RAB1A: variants seen among roughly 807,000 people sequenced by gnomAD.
RAB1A encodes the protein RAB1A, member RAS oncogene family.
In RAB1A, 2 loss-of-function variants were observed where a neutral mutation model predicts 26.0. The ratio of observed to expected loss-of-function variants is 0.08; its 90% CI spans 0.03 to 0.24. The LOEUF (loss-of-function observed/expected upper bound fraction) is 0.24, where lower values mean the gene tolerates loss of function less well. Ranked by LOEUF, RAB1A falls within the 10% of genes least tolerant of loss-of-function variation. RAB1A has a pLI of 1.00. For missense variants in RAB1A, 100 were observed against 247.0 expected (o/e 0.40, Z 3.99); for synonymous variants, 84 against 84.9 (o/e 0.99, Z 0.06).
intron 1 of RAB1A, among the ~76,000 whole-genome samples, chr2:65,126,269 G>A (rs780110701): frequency 1.2e-4 from 18 of 151,380 alleles, no homozygotes; most frequent in Admixed American, 7.2e-4. Flanking sequence ...AGCCAAGATC[G>A]CGCCACTGCA....
rs758076632 is a variant in RAB1A, at chr2:65,089,023, A to G, written c.336T>C (p.Tyr112=). Residue 112 remains tyrosine, a synonymous_variant, in exon 5 of 6, where the codon TAT becomes TAC. Coordinates refer to ENST00000409784, the MANE Select transcript of RAB1A (RefSeq NM_004161.5). ...ACAATTTGTTGACATTTTCACTGGC[A>G]TAACGATCTATTTCCTGCAGCCACT... ...VKQWLQEIDR[Y]ASENVNKLLV... 4.3e-6 allele frequency: 7 copies of G among 1,610,516 alleles called. No homozygotes were observed. The highest frequency in any genetic ancestry group is 1.1e-5 in the South Asian group (1 of 90,542).
chr2:65,129,804 C>T (rs533302397), intron 1 of RAB1A, 89 bp downstream of exon 1: 104 of 1,545,844 alleles, frequency 6.7e-5, no homozygotes, highest in East Asian at 4.4e-4. Context: ...CAGCCGATGC[C>T]CCGACTTCTG....
At chr2:65,123,751 G>A (rs776424654) in intron 1 of RAB1A, among the ~76,000 whole-genome samples, 2 of 151,840 alleles carry the variant, frequency 1.3e-5, no homozygotes, top group Non-Finnish European at 2.9e-5. Flanking sequence ...ACTTAAACCT[G>A]GAAGGCGGAG....
Position 65,087,493 on chromosome 2 carries a change from T to C in RAB1A, c.*1000A>G, listed in dbSNP as rs1370654198. On this transcript the variant is annotated 3_prime_UTR_variant, in exon 6 of 6. Coordinates refer to ENST00000409784, the MANE Select transcript of RAB1A (RefSeq NM_004161.5). ...CATTAGCACACATTAGTCTGATCAT[T>C]TGCCAATTAGGAAAGGTGCTGCTTT... The C allele has an allele frequency of 6.6e-6, 1 of 152,640 alleles. No homozygotes were observed. Among genetic ancestry groups the C allele is most frequent in the South Asian group, 2.1e-4 (1 of 4,834 alleles). 9.5% of individuals were successfully genotyped at this position (152,640 alleles called of 1,614,324 possible). A position where few individuals can be genotyped will look rare whatever the true frequency, so the allele number is the denominator to read the frequency against.
chr2:65,098,075 G>C lies in RAB1A; in HGVS notation c.97-9C>G, dbSNP rs761380313. The C allele has an allele frequency of 5.5e-6, 8 of 1,453,354 alleles. No homozygotes were observed. The highest frequency in any genetic ancestry group is 7.5e-6 in the Non-Finnish European group (8 of 1,073,532). The allele number at this position is 1,453,354 out of a possible 1,614,324, so 90.0% of individuals were successfully genotyped here. A position where few individuals can be genotyped will look rare whatever the true frequency, so the allele number is the denominator to read the frequency against. ...TCTGTATATGTATCATCCTGAAGGG[G>C]GAAATAATTAACAATTAAATGTATT... On this transcript the variant is annotated splice_polypyrimidine_tract_variant and intron_variant, in intron 2 of 5. Coordinates refer to ENST00000409784, the MANE Select transcript of RAB1A (RefSeq NM_004161.5).
chr2:65,121,046 A>C (rs1393865141), intron 1 of RAB1A, among the ~76,000 whole-genome samples: 4 of 152,012 alleles, frequency 2.6e-5, no homozygotes, highest in African/African-American at 9.7e-5. Flanking sequence ...ACTTGAGCCC[A>C]GGTGTTCGAG....
At chr2:65,104,655 GTTTAAT>G (rs1297625372) in intron 2 of RAB1A, 73 bp downstream of exon 2, 7 of 1,086,230 alleles carry the variant, frequency 6.4e-6, no homozygotes, top group Non-Finnish European at 6.7e-6. Flanking sequence ...GAATAAAACT[GTTTAAT>G]TTTATCTACC....
intron 3 of RAB1A, among the ~76,000 whole-genome samples, chr2:65,094,613 A>C (rs1376705888): frequency 2.0e-5 from 3 of 151,822 alleles, no homozygotes; most frequent in Admixed American, 1.3e-4. Context: ...AAAAGAAAAA[A>C]CAAGCAAATC....
intron 3 of RAB1A, among the ~76,000 whole-genome samples, chr2:65,094,707 T>A (rs191971331): frequency 1.2e-4 from 19 of 152,172 alleles, no homozygotes; most frequent in Non-Finnish European, 2.4e-4. Context: ...GAAAGGGCCA[T>A]GAGCCCTTGA....
intron 1 of RAB1A, among the ~76,000 whole-genome samples, chr2:65,119,076 G>A (rs1669890235): frequency 6.6e-6 from 1 of 152,072 alleles, no homozygotes; most frequent in Admixed American, 6.6e-5. Flanking sequence ...GCATGGGTGT[G>A]TGTCTATATT....
intron 1 of RAB1A, among the ~76,000 whole-genome samples, chr2:65,125,535 C>T (rs1163855481): frequency 1.3e-5 from 2 of 150,394 alleles, no homozygotes; most frequent in Non-Finnish European, 2.9e-5. Flanking sequence ...GACTCTCCTG[C>T]CTCAGGTTCC....
At chr2:65,091,865 T>C (rs1194838011) in intron 3 of RAB1A, among the ~76,000 whole-genome samples, 1 of 152,234 alleles carries the variant, frequency 6.6e-6, no homozygotes, top group African/African-American at 2.4e-5. Flanking sequence ...GTAAGGAAGA[T>C]GACTCCAAAT....
intron 3 of RAB1A, among the ~76,000 whole-genome samples, chr2:65,093,607 T>C (rs1306069713): frequency 1.3e-5 from 2 of 150,960 alleles, no homozygotes; most frequent in Non-Finnish European, 2.9e-5. Context: ...GGATTAAAAG[T>C]AAAATCTTGT....
At chr2:65,090,844 T>C (rs1669157028) in intron 4 of RAB1A, 139 bp downstream of exon 4, 1 of 468,510 alleles carries the variant, frequency 2.1e-6, no homozygotes, top group Non-Finnish European at 3.7e-6. Context: ...GATTCACATT[T>C]ATATTTGAGA....
intron 1 of RAB1A, among the ~76,000 whole-genome samples, chr2:65,108,007 T>G (rs1669601581): frequency 6.8e-6 from 1 of 147,908 alleles, no homozygotes; most frequent in East Asian, 2.0e-4. Flanking sequence ...GAGGTTGCAG[T>G]GAGCTCAGAT....
intron 3 of RAB1A, among the ~76,000 whole-genome samples, chr2:65,095,076 C>A (rs1669251321): frequency 6.6e-6 from 1 of 152,084 alleles, no homozygotes; most frequent in Non-Finnish European, 1.5e-5. Context: ...AGTGAGCTGA[C>A]CGCTGCACTC....
chr2:65,124,048 C>T (rs1305140685), intron 1 of RAB1A, among the ~76,000 whole-genome samples: 1 of 151,840 alleles, frequency 6.6e-6, no homozygotes, highest in Admixed American at 6.6e-5. Flanking sequence ...AGTGCAGTGG[C>T]CAATCTTGGC....
At chr2:65,104,420 G>A (rs915536850) in intron 2 of RAB1A, among the ~76,000 whole-genome samples, 15 of 152,048 alleles carry the variant, frequency 9.9e-5, no homozygotes, top group African/African-American at 3.1e-4. Context: ...TTTTCATCAA[G>A]TCGCTTTCAA....
rs1201745425 is a variant in RAB1A at position 65,103,299 on chromosome 2, C to CAAAAAAAAAAAAAA, written c.96+1421_96+1434dup. ...TTGGCAACACAGCCAGAATCTGTCTCAAAAAAAAAAAAAAACATTGTTTTA... is the reference window on the plus strand; with the variant it reads ...TTGGCAACACAGCCAGAATCTGTCTCAAAAAAAAAAAAAAAAAAAAAAAAAAAAACATTGTTTTA... On this transcript the variant is annotated intron_variant, in intron 2 of 5. Coordinates refer to ENST00000409784, the MANE Select transcript of RAB1A (RefSeq NM_004161.5). Among the ~76,000 whole-genome samples the CAAAAAAAAAAAAAA allele has an allele frequency of 1.4e-3, 60 of 44,062 alleles. 1 individual carries two copies. The highest frequency in any genetic ancestry group is 3.9e-3 in the African/African-American group (50 of 12,896). The allele number at this position is 44,062 out of a possible 152,430, so 28.9% of individuals were successfully genotyped here. A position where few individuals can be genotyped will look rare whatever the true frequency, so the allele number is the denominator to read the frequency against.
Sources: gnomAD v4.1 joint callset for allele counts (sites outside exome capture counted in the v4.1 genomes callset) on GRCh38, gnomAD v4.1.1 for gene constraint, MANE v1.5 for transcripts, NCBI Gene and HGNC (gene_info 2026-07-23, HGNC 2026-07-21) for gene names.